Variants in FAM162B observed in about 807,000 individuals in gnomAD.
FAM162B encodes the protein family with sequence similarity 162 member B.
A neutral mutation model predicts 20.0 loss-of-function variants in FAM162B; 16 were observed. The observed-to-expected ratio is 0.80, with a 90% confidence interval of 0.54 to 1.21. The LOEUF is 1.21. Among genes scored for constraint, FAM162B ranks in the 50% most tolerant of loss-of-function variants. FAM162B has a pLI of 0.00. For synonymous variants in FAM162B, 83 were observed against 89.7 expected, an observed-to-expected ratio of 0.93 and a Z score of 0.42; for missense variants, 260 against 227.5, an observed-to-expected ratio of 1.14 and a Z score of -0.92.
chr6:116,757,009 T>C (rs978551321), intron 3 of FAM162B, among the ~76,000 whole-genome samples: 5 of 152,240 alleles, frequency 3.3e-5, no homozygotes, highest in East Asian at 1.9e-4. Flanking sequence ...TAAATACTTA[T>C]ATGGATAATT....
chr6:116,763,327 G>A (rs1467637021), intron 2 of FAM162B, among the ~76,000 whole-genome samples: 2 of 152,094 alleles, frequency 1.3e-5, no homozygotes, highest in Admixed American at 6.5e-5. Flanking sequence ...AACACAATTA[G>A]TGTATGATAC....
In FAM162B at chr6:116,765,671, G is replaced by A. The variant is rs1314352571; in HGVS notation, c.-95C>T. 1.1e-5 allele frequency: 13 copies of A among 1,225,904 alleles called. No homozygotes were observed. Among genetic ancestry groups the A allele is most frequent in the Non-Finnish European group, 1.2e-5 (12 of 979,676 alleles). The allele number at this position is 1,225,904 out of a possible 1,614,324, so 75.9% of individuals were successfully genotyped here. A position where few individuals can be genotyped will look rare whatever the true frequency, so the allele number is the denominator to read the frequency against. On this transcript the variant is annotated 5_prime_UTR_variant, in exon 1 of 4. Transcript: ENST00000368557. Reference sequence around the variant, plus strand: ...CTCGTCCCGCCCCGGCCTGCCGCGCGCTGGAGAGCCTGGGACGTGCAGCTG... The same window carrying A: ...CTCGTCCCGCCCCGGCCTGCCGCGCACTGGAGAGCCTGGGACGTGCAGCTG...
chr6:116,758,899 T>C (rs1253234857), intron 3 of FAM162B, among the ~76,000 whole-genome samples: 3 of 152,200 alleles, frequency 2.0e-5, no homozygotes, highest in African/African-American at 7.2e-5. Context: ...TATTTGTATG[T>C]CAGTACTGCA....
intron 2 of FAM162B, 33 bp downstream of exon 2, chr6:116,765,114 G>T (rs1188223712): frequency 8.1e-6 from 13 of 1,603,934 alleles, no homozygotes; most frequent in Non-Finnish European, 1.1e-5. Context: ...GCCGGGGACC[G>T]ACTCTCCTTC....
At chr6:116,757,406 TTAA>T (rs1327843003) in intron 3 of FAM162B, among the ~76,000 whole-genome samples, 1 of 152,222 alleles carries the variant, frequency 6.6e-6, no homozygotes, top group African/African-American at 2.4e-5. Context: ...GTCATACATG[TTAA>T]TAAAATTTTA....
intron 3 of FAM162B, among the ~76,000 whole-genome samples, chr6:116,756,651 G>A (rs1780055625): frequency 6.6e-6 from 1 of 152,164 alleles, no homozygotes; most frequent in South Asian, 2.1e-4. Flanking sequence ...GAAAGAAAGA[G>A]TCAACTGATA....
intron 3 of FAM162B, among the ~76,000 whole-genome samples, chr6:116,759,107 C>G (rs571429555): frequency 2.6e-5 from 4 of 152,148 alleles, no homozygotes; most frequent in African/African-American, 9.6e-5. Context: ...GAGAAGTTCG[C>G]TCTCTTTAAA....
In FAM162B at chr6:116,752,615, T is replaced by G; in HGVS notation, c.471A>C (p.Ala157=). Residue 157 remains alanine (A), a synonymous_variant, in exon 4 of 4, where the codon GCA becomes GCC. Transcript: ENST00000368557. ...TAGAATATCATTTAGCTTTAGCCTG[T>G]GCAGCCAATGCAGCTTCTTCACGCC... ...AKWREEAALA[A]QAKAK is the part of the protein sequence containing the mutation. 5.0e-6 allele frequency: 8 copies of G among 1,593,646 alleles called. No homozygotes were observed. The highest frequency in any genetic ancestry group is 6.9e-6 in the Non-Finnish European group (8 of 1,167,836).
At chr6:116,752,742 GTATATATATATATATAC>G (rs1780007171) in intron 3 of FAM162B, 47 bp from the exon 4 acceptor site, 5 of 387,642 alleles carry the variant, frequency 1.3e-5, no homozygotes, top group Non-Finnish European at 1.8e-5. Context: ...ATAGATACAC[GTATATATATATATATAC>G]ATATATGTAT....
At chr6:116,753,080 G>A (rs1008982625) in intron 3 of FAM162B, among the ~76,000 whole-genome samples, 1 of 151,872 alleles carries the variant, frequency 6.6e-6, no homozygotes, top group African/African-American at 2.4e-5. Context: ...GACATATTTT[G>A]TTCCCCCTGC....
At chr6:116,760,375 T>G (rs1486161341) in intron 3 of FAM162B, among the ~76,000 whole-genome samples, 1 of 152,216 alleles carries the variant, frequency 6.6e-6, no homozygotes, top group African/African-American at 2.4e-5. Flanking sequence ...ATCATATGTG[T>G]TGAAAATAAA....
chr6:116,757,119 A>G (rs1780060249), intron 3 of FAM162B, among the ~76,000 whole-genome samples: 1 of 152,220 alleles, frequency 6.6e-6, no homozygotes, highest in Admixed American at 6.5e-5. Context: ...TTGCAAGAAT[A>G]AAATAGCTGA....
chr6:116,753,244 C>A (rs532426444), intron 3 of FAM162B, among the ~76,000 whole-genome samples: 1 of 152,262 alleles, frequency 6.6e-6, no homozygotes, highest in African/African-American at 2.4e-5. Flanking sequence ...ATCCTTTTTA[C>A]TTCCCCAAAT....
intron 2 of FAM162B, 34 bp from the exon 3 acceptor site, chr6:116,762,119 A>G: frequency 6.7e-7 from 1 of 1,485,250 alleles, no homozygotes; most frequent in Non-Finnish European, 9.2e-7. Flanking sequence ...TAAATATGTA[A>G]AAGTAATATG....
At chr6:116,753,754 A>G (rs1780020568) in intron 3 of FAM162B, among the ~76,000 whole-genome samples, 1 of 152,172 alleles carries the variant, frequency 6.6e-6, no homozygotes, top group Admixed American at 6.5e-5. Context: ...AATCCAGAAG[A>G]CTTGGTAAGA....
At chr6:116,764,586 C>T (rs1771867800) in intron 2 of FAM162B, among the ~76,000 whole-genome samples, 1 of 152,146 alleles carries the variant, frequency 6.6e-6, no homozygotes, top group African/African-American at 2.4e-5. Context: ...CCGCGCGTCC[C>T]ACCCTGAGTA....
At position 116,752,575 on chromosome 6, in the gene FAM162B, G is replaced by A; in HGVS notation, c.*22C>T. The A allele has an allele frequency of 7.0e-7, 1 of 1,424,560 alleles. No homozygotes were observed. The highest frequency in any genetic ancestry group is 9.7e-7 in the Non-Finnish European group (1 of 1,034,292). 88.2% of individuals were successfully genotyped at this position (1,424,560 alleles called of 1,614,324 possible). A position where few individuals can be genotyped will look rare whatever the true frequency, so the allele number is the denominator to read the frequency against. On this transcript the variant is annotated 3_prime_UTR_variant, in exon 4 of 4. Transcript: ENST00000368557. ...CTGATGACAGGGATGGTATTCAGGTGAACACTTTGTCACTTAGAATATCAT... is the reference window on the plus strand; with the variant it reads ...CTGATGACAGGGATGGTATTCAGGTAAACACTTTGTCACTTAGAATATCAT...
At chr6:116,765,009 G>A (rs1771880136) in intron 2 of FAM162B, 138 bp downstream of exon 2, 2 of 730,160 alleles carry the variant, frequency 2.7e-6, no homozygotes, top group East Asian at 2.6e-5. Context: ...GGTAAACTCC[G>A]TGTGTGGTGG....
intron 3 of FAM162B, among the ~76,000 whole-genome samples, chr6:116,761,673 T>TATATATATAC (rs1562468805): frequency 7.0e-6 from 1 of 141,932 alleles, no homozygotes; most frequent in Non-Finnish European, 1.5e-5. Flanking sequence ...TATATATACT[T>TATATATATAC]ATATATACAT....
Sources: gnomAD v4.1 joint callset for allele counts (sites outside exome capture counted in the v4.1 genomes callset) on GRCh38, gnomAD v4.1.1 for gene constraint, MANE v1.5 for transcripts, NCBI Gene and HGNC (gene_info 2026-07-23, HGNC 2026-07-21) for gene names.